The following ITFG1 variants were observed in gnomAD, a reference collection of about 807,000 sequenced individuals.
ITFG1 encodes the protein T-cell immunomodulatory protein.
ITFG1 carries 34 observed loss-of-function variants against 81.8 expected under a neutral mutation model. The observed-to-expected ratio is 0.42, with a 90% confidence interval of 0.32 to 0.55. The LOEUF (loss-of-function observed/expected upper bound fraction) is 0.55. Among genes scored for constraint, ITFG1 ranks in the 20% least tolerant of loss-of-function variants. ITFG1 has a pLI of 0.17. For missense variants in ITFG1, 672 were observed against 755.4 expected, an observed-to-expected ratio of 0.89 and a Z score of 1.29; for synonymous variants, 285 against 270.6, an observed-to-expected ratio of 1.05 and a Z score of -0.52.
At chr16:47,300,753 T>C (rs2151559463) in intron 10 of ITFG1, among the ~76,000 whole-genome samples, 1 of 152,364 alleles carries the variant, frequency 6.6e-6, no homozygotes, top group Middle Eastern at 3.4e-3. Context: ...GATGGAATTC[T>C]GAATACAGAA....
intron 13 of ITFG1, among the ~76,000 whole-genome samples, chr16:47,219,974 G>A (rs1380129565): frequency 6.6e-6 from 1 of 152,150 alleles, no homozygotes; most frequent in East Asian, 1.9e-4. Flanking sequence ...TGAATATTAC[G>A]CTTTGTACTA....
intron 6 of ITFG1, among the ~76,000 whole-genome samples, chr16:47,416,883 G>A (rs865836367): frequency 1.3e-5 from 2 of 152,316 alleles, no homozygotes; most frequent in African/African-American, 4.8e-5. Flanking sequence ...TGGACAATGA[G>A]AAGTGTATAC....
At chr16:47,416,047 T>C (rs1054429005) in intron 6 of ITFG1, among the ~76,000 whole-genome samples, 1 of 152,092 alleles carries the variant, frequency 6.6e-6, no homozygotes, top group East Asian at 1.9e-4. Context: ...TGAGCCAAGA[T>C]TGCACCATTG....
chr16:47,184,629 C>T (rs1238758737), intron 14 of ITFG1, among the ~76,000 whole-genome samples: 17 of 151,854 alleles, frequency 1.1e-4, no homozygotes, highest in Middle Eastern at 3.4e-3. Context: ...CTGAAGGAAG[C>T]GCTAAACATG....
rs1278125913 is a variant in ITFG1 at position 47,218,906 on chromosome 16, G to C, written c.1415C>G (p.Thr472Arg). ...VNQPGPYIMY[T>R]TVDANGYLKN... ...CAGATACCCATTTGCATCTACAGTT[G>C]TATACATGATATAAGGTCCAGGTTG... The change falls in exon 14 of 18, where the codon ACA becomes AGA. Residue 472 changes from threonine (T) to arginine (R), a missense_variant. By Grantham distance (71) the Thr-to-Arg change is moderately conservative (BLOSUM62 -1). Around this residue, in one of 3 missense-constraint regions of ITFG1, gnomAD observed 560 missense variants for 625.7 expected, o/e 0.90. Coordinates refer to ENST00000320640, the MANE Select transcript of ITFG1 (RefSeq NM_030790.5). 6.2e-7 allele frequency: 1 copy of C among 1,602,786 alleles called. No homozygotes were observed.
At chr16:47,407,868 A>G (rs999037650) in intron 6 of ITFG1, among the ~76,000 whole-genome samples, 1 of 152,148 alleles carries the variant, frequency 6.6e-6, no homozygotes, top group African/African-American at 2.4e-5. Flanking sequence ...ATACATACAT[A>G]TGTTATTAGT....
intron 14 of ITFG1, among the ~76,000 whole-genome samples, chr16:47,177,406 A>T (rs1310051584): frequency 6.6e-6 from 1 of 152,214 alleles, no homozygotes; most frequent in Non-Finnish European, 1.5e-5. Context: ...TATAAAGTAT[A>T]TCAAATCAGA....
At chr16:47,190,920 A>G (rs2151517446) in intron 14 of ITFG1, among the ~76,000 whole-genome samples, 1 of 152,172 alleles carries the variant, frequency 6.6e-6, no homozygotes, top group Non-Finnish European at 1.5e-5. Flanking sequence ...CTGCCTCTTC[A>G]TGGTCTTTCA....
intron 17 of ITFG1, chr16:47,157,578 G>T (rs1354947603): frequency 6.6e-6 from 1 of 152,216 alleles, no homozygotes; most frequent in African/African-American, 2.4e-5. Context: ...GAATCTTTCA[G>T]ATGATATTCT....
chr16:47,199,476 A>C (rs1965398823), intron 14 of ITFG1, among the ~76,000 whole-genome samples: 1 of 152,156 alleles, frequency 6.6e-6, no homozygotes, highest in South Asian at 2.1e-4. Flanking sequence ...CTCTGTTTTC[A>C]CTGTACCTTT....
At chr16:47,346,853 A>G (rs1056230546) in intron 8 of ITFG1, among the ~76,000 whole-genome samples, 9 of 152,230 alleles carry the variant, frequency 5.9e-5, no homozygotes, top group African/African-American at 9.6e-5. Context: ...ACTAATACCA[A>G]TTCTCAGAGT....
At chr16:47,189,404 C>G (rs1440627822) in intron 14 of ITFG1, among the ~76,000 whole-genome samples, 1 of 152,198 alleles carries the variant, frequency 6.6e-6, no homozygotes, top group East Asian at 1.9e-4. Context: ...CACTACTGTC[C>G]TTTCTACCTC....
At chr16:47,431,035 T>C (rs889539040) in intron 5 of ITFG1, among the ~76,000 whole-genome samples, 2 of 152,170 alleles carry the variant, frequency 1.3e-5, no homozygotes, top group African/African-American at 2.4e-5. Flanking sequence ...TAGTACAAAA[T>C]GGATGATCCT....
Position 47,392,830 on chromosome 16 carries a change from C to G in ITFG1, c.656-16890G>C, listed in dbSNP as rs566506652. Among the ~76,000 whole-genome samples, 126 of 152,288 alleles carry G rather than the reference C, an allele frequency of 8.3e-4. 2 individuals carry two copies. The highest frequency in any genetic ancestry group is 1.6e-3 in the Non-Finnish European group (107 of 68,016). On this transcript the variant is annotated intron_variant, in intron 6 of 17. Coordinates refer to ENST00000320640, the MANE Select transcript of ITFG1 (RefSeq NM_030790.5). Reference sequence around the variant, plus strand: ...GGAACAATATCTGACACTGGTCTCACAAAATTTACAGAGCCCTCTGGGACA... The same window carrying G: ...GGAACAATATCTGACACTGGTCTCAGAAAATTTACAGAGCCCTCTGGGACA...
chr16:47,303,529 A>G (rs1347935218), intron 10 of ITFG1, among the ~76,000 whole-genome samples: 1 of 152,182 alleles, frequency 6.6e-6, no homozygotes, highest in African/African-American at 2.4e-5. Flanking sequence ...GGATCCGGAA[A>G]GATTTGGACA....
At chr16:47,334,863 T>A (rs1967682239) in intron 8 of ITFG1, among the ~76,000 whole-genome samples, 1 of 152,168 alleles carries the variant, frequency 6.6e-6, no homozygotes, top group Non-Finnish European at 1.5e-5. Context: ...CTACCAAGAA[T>A]TTATTTAAAA....
At chr16:47,236,915 C>T (rs1382914532) in intron 13 of ITFG1, among the ~76,000 whole-genome samples, 4 of 152,220 alleles carry the variant, frequency 2.6e-5, no homozygotes, top group Non-Finnish European at 5.9e-5. Context: ...GGAGATTGTT[C>T]TTAGCCAAAG....
chr16:47,167,737 C>T (rs544106509), intron 14 of ITFG1, among the ~76,000 whole-genome samples: 34 of 152,096 alleles, frequency 2.2e-4, no homozygotes, highest in Non-Finnish European at 3.5e-4. Flanking sequence ...TTTACACGGA[C>T]GCGCATGAAA....
chr16:47,408,881 G>C (rs1186870790), intron 6 of ITFG1, among the ~76,000 whole-genome samples: 1 of 152,064 alleles, frequency 6.6e-6, no homozygotes, highest in African/African-American at 2.4e-5. Context: ...TTTTGTTTAT[G>C]TGATCTATAC....
Sources: allele counts gnomAD v4.1 joint callset (sites outside exome capture counted in the v4.1 genomes callset), GRCh38; gene constraint gnomAD v4.1.1; regional missense constraint gnomAD v4.1.1; transcripts MANE v1.5; gene names NCBI Gene and HGNC (gene_info 2026-07-23, HGNC 2026-07-21).